Variants in KIAA0825 observed in about 807,000 individuals in gnomAD.
The protein encoded by KIAA0825 is uncharacterized protein KIAA0825.
In KIAA0825, 119 loss-of-function variants were observed where a neutral mutation model predicts 147.6. The observed-to-expected ratio is 0.81, with a 90% CI of 0.69 to 0.94. The LOEUF (loss-of-function observed/expected upper bound fraction) is 0.94, where lower values mean the gene tolerates loss of function less well. Among genes scored for constraint, KIAA0825 ranks in the 40% least tolerant of loss-of-function variants. The pLI is 0.00. For missense variants in KIAA0825, 1,381 were observed against 1,472.7 expected (o/e 0.94, Z 1.02); for synonymous variants, 470 against 518.1 (o/e 0.91, Z 1.26).
chr5:94,171,934 A>G (rs761912825), intron 20 of KIAA0825, among the ~76,000 whole-genome samples: 6 of 152,126 alleles, frequency 3.9e-5, no homozygotes, highest in African/African-American at 4.8e-5. Context: ...ATATGCAGAG[A>G]AAAAAACAAA....
chr5:94,560,193 A>G (rs1458375485), intron 2 of KIAA0825, among the ~76,000 whole-genome samples: 2 of 152,188 alleles, frequency 1.3e-5, no homozygotes, highest in Non-Finnish European at 2.9e-5. Context: ...CTGTAACTAC[A>G]AGATAGTATA....
intron 20 of KIAA0825, among the ~76,000 whole-genome samples, chr5:94,319,565 G>C (rs1000598835): frequency 1.3e-5 from 2 of 151,766 alleles, no homozygotes; most frequent in East Asian, 3.9e-4. Context: ...ATAATCATAT[G>C]CTCATTCATA....
At chr5:94,246,413 C>T (rs1304952369) in intron 20 of KIAA0825, among the ~76,000 whole-genome samples, 1 of 152,108 alleles carries the variant, frequency 6.6e-6, no homozygotes, top group African/African-American at 2.4e-5. Flanking sequence ...TCCACTCCTT[C>T]TCCCCACTCT....
At chr5:94,314,264 C>T (rs1356627215) in intron 20 of KIAA0825, among the ~76,000 whole-genome samples, 1 of 151,662 alleles carries the variant, frequency 6.6e-6, no homozygotes, top group African/African-American at 2.4e-5. Flanking sequence ...TCTCCTAACA[C>T]TAATGAACCC....
intron 2 of KIAA0825, among the ~76,000 whole-genome samples, chr5:94,549,415 T>C (rs916209277): frequency 6.6e-6 from 1 of 152,096 alleles, no homozygotes; most frequent in Non-Finnish European, 1.5e-5. Flanking sequence ...AAACACAACA[T>C]ACCAAAATCT....
At chr5:94,557,836 C>A (rs572787329) in intron 2 of KIAA0825, among the ~76,000 whole-genome samples, 1 of 152,312 alleles carries the variant, frequency 6.6e-6, no homozygotes, top group South Asian at 2.1e-4. Flanking sequence ...TTAAATCTTG[C>A]AACTGCACTC....
At chr5:94,308,392 C>T (rs1778880884) in intron 20 of KIAA0825, among the ~76,000 whole-genome samples, 1 of 151,600 alleles carries the variant, frequency 6.6e-6, no homozygotes, top group Non-Finnish European at 1.5e-5. Flanking sequence ...AGCTCTCAAT[C>T]CAGTATTGGT....
rs148745115 is a variant in KIAA0825 at position 94,514,405 on chromosome 5, C to T, written c.970+5843G>A. ...GTGGATTTGTACTCTATTACAGTTT[C>T]GAAATTCAAGGTTAATTTTATACGT... On this transcript the variant is annotated intron_variant, in intron 5 of 20. Transcript: ENST00000682413. Among the ~76,000 whole-genome samples, 425 of 151,910 alleles carry T rather than the reference C, an allele frequency of 2.8e-3. 3 individuals carry two copies. The highest frequency in any genetic ancestry group is 9.6e-3 in the African/African-American group (397 of 41,432).
intron 18 of KIAA0825, among the ~76,000 whole-genome samples, chr5:94,388,092 AGT>A: frequency 1.3e-5 from 2 of 151,748 alleles, no homozygotes; most frequent in African/African-American, 4.8e-5. Flanking sequence ...GGGGAGGGGG[AGT>A]ATGGTTTTAG....
intron 20 of KIAA0825, among the ~76,000 whole-genome samples, chr5:94,192,469 C>CTA (rs1291214316): frequency 6.6e-6 from 1 of 152,044 alleles, no homozygotes; most frequent in Non-Finnish European, 1.5e-5. Context: ...AAGAAATATA[C>CTA]TATATATGTT....
At chr5:94,314,339 C>T (rs1779453835) in intron 20 of KIAA0825, among the ~76,000 whole-genome samples, 2 of 151,652 alleles carry the variant, frequency 1.3e-5, no homozygotes. Flanking sequence ...TTGGAAATGT[C>T]TTACTTCAAA....
chr5:94,356,861 A>G (rs978059424), intron 20 of KIAA0825, among the ~76,000 whole-genome samples: 6 of 150,812 alleles, frequency 4.0e-5, no homozygotes, highest in Non-Finnish European at 7.4e-5. Context: ...AGTAGCTGGG[A>G]CTACAGGTGC....
At chr5:94,416,924 A>C (rs1193524271) in intron 15 of KIAA0825, 1 of 268,862 alleles carries the variant, frequency 3.7e-6, no homozygotes, top group Non-Finnish European at 7.2e-6. Context: ...GATAAATATT[A>C]AAATAAATTT....
At position 94,520,592 on chromosome 5, in the gene KIAA0825, A is replaced by G. The variant is rs896604968; in HGVS notation, c.626T>C (p.Ile209Thr). ...LLFLYPESEV[I>T]IKYQNIQNKL... is the part of the protein sequence containing the mutation. ...ATTCTGTATGTTTTGGTATTTGATTATAACTTCTGATTCTGGATAAAGAAA... is the reference window on the plus strand; with the variant it reads ...ATTCTGTATGTTTTGGTATTTGATTGTAACTTCTGATTCTGGATAAAGAAA... The change falls in exon 5 of 21, where the codon ATA becomes ACA. Residue 209 changes from isoleucine to threonine, a missense_variant. Physicochemically the swap from Ile to Thr is moderately conservative, Grantham distance 89. Coordinates refer to ENST00000682413, the MANE Select transcript of KIAA0825 (RefSeq NM_001145678.3). 1.2e-6 allele frequency: 2 copies of G among 1,613,340 alleles called. No homozygotes were observed. Among genetic ancestry groups the G allele is most frequent in the Admixed American group, 3.3e-5 (2 of 59,942 alleles).
intron 20 of KIAA0825, among the ~76,000 whole-genome samples, chr5:94,301,028 T>A (rs1333556063): frequency 1.3e-5 from 2 of 152,170 alleles, no homozygotes; most frequent in Non-Finnish European, 2.9e-5. Flanking sequence ...TAGGAAACAC[T>A]GATTGGCTGG....
chr5:94,605,480 C>A (rs2173020), intron 1 of KIAA0825, among the ~76,000 whole-genome samples: 11,611 of 152,080 alleles, frequency 0.076, 490 homozygotes, highest in South Asian at 0.11. Context: ...AACTTCAGGC[C>A]AATATTCTAG....
chr5:94,259,587 G>A (rs1302199732), intron 20 of KIAA0825, among the ~76,000 whole-genome samples: 1 of 152,048 alleles, frequency 6.6e-6, no homozygotes, highest in East Asian at 1.9e-4. Context: ...GAGACTCAAT[G>A]TTTTAGACTC....
chr5:94,479,160 T>A (rs1762216877), intron 6 of KIAA0825, among the ~76,000 whole-genome samples: 1 of 152,190 alleles, frequency 6.6e-6, no homozygotes, highest in African/African-American at 2.4e-5. Context: ...CTATGGGTTT[T>A]GCCAAATGTA....
intron 20 of KIAA0825, among the ~76,000 whole-genome samples, chr5:94,229,699 A>G (rs2150082412): frequency 6.6e-6 from 1 of 151,998 alleles, no homozygotes; most frequent in South Asian, 2.1e-4. Context: ...TTATCTTTCA[A>G]ACTGCTATAG....
Sources: allele counts gnomAD v4.1 joint callset (sites outside exome capture counted in the v4.1 genomes callset), GRCh38; gene constraint gnomAD v4.1.1; transcripts MANE v1.5; gene names NCBI Gene and HGNC (gene_info 2026-07-23, HGNC 2026-07-21).